The following PTPRK variants were observed in gnomAD, a reference collection of about 807,000 sequenced individuals.
The protein encoded by PTPRK is protein tyrosine phosphatase receptor type K, also known as receptor-type tyrosine-protein phosphatase kappa.
PTPRK carries 75 observed loss-of-function variants against 178.0 expected under a neutral mutation model. The observed-to-expected ratio is 0.42, with a 90% CI of 0.35 to 0.51. The LOEUF (loss-of-function observed/expected upper bound fraction) is 0.51. Among genes scored for constraint, PTPRK ranks in the 20% least tolerant of loss-of-function variants. The pLI is 0.02. For synonymous variants in PTPRK, 637 were observed against 620.6 expected, an observed-to-expected ratio of 1.03 and a Z score of -0.39; for missense variants, 1,441 against 1,797.8, an observed-to-expected ratio of 0.80 and a Z score of 3.59.
chr6:128,489,951 G>A (rs1009028143), intron 1 of PTPRK, among the ~76,000 whole-genome samples: 1 of 151,904 alleles, frequency 6.6e-6, no homozygotes, highest in Non-Finnish European at 1.5e-5. Flanking sequence ...CATTTCTTCA[G>A]GTATGCTGAA....
intron 13 of PTPRK, among the ~76,000 whole-genome samples, chr6:128,032,399 C>G (rs17055231): frequency 0.14 from 20,860 of 152,184 alleles, 1,620 homozygotes; most frequent in African/African-American, 0.17. Flanking sequence ...AGATCAGCAA[C>G]AGGAGATGGG....
chr6:128,022,923 G>A (rs1037213095), intron 13 of PTPRK, among the ~76,000 whole-genome samples: 2 of 152,200 alleles, frequency 1.3e-5, no homozygotes, highest in Admixed American at 1.3e-4. Context: ...TTAAGATACT[G>A]GAGCCTGCCT....
intron 16 of PTPRK, among the ~76,000 whole-genome samples, chr6:127,997,822 T>G (rs1777334101): frequency 6.6e-6 from 1 of 152,152 alleles, no homozygotes. Context: ...TTAACACTCC[T>G]AATTTAAGGT....
intron 2 of PTPRK, among the ~76,000 whole-genome samples, chr6:128,344,464 A>C (rs1562322401): frequency 6.6e-6 from 1 of 152,172 alleles, no homozygotes; most frequent in Non-Finnish European, 1.5e-5. Flanking sequence ...GGCTGTATGC[A>C]GCCTGATTCA....
intron 13 of PTPRK, among the ~76,000 whole-genome samples, chr6:128,033,792 T>C (rs1775752799): frequency 1.3e-5 from 2 of 152,024 alleles, no homozygotes; most frequent in Non-Finnish European, 2.9e-5. Context: ...GGGGAGTATT[T>C]CTTGGGCCCA....
At chr6:128,178,042 C>T (rs1296767702) in intron 7 of PTPRK, among the ~76,000 whole-genome samples, 1 of 151,722 alleles carries the variant, frequency 6.6e-6, no homozygotes, top group Non-Finnish European at 1.5e-5. Context: ...ACTGGCTAGA[C>T]ATTGTTTTAT....
Position 128,118,134 on chromosome 6 carries a change from C to T in PTPRK, c.1163-28142G>A, listed in dbSNP as rs534616183. Among the ~76,000 whole-genome samples, 15 of 152,184 alleles carry T rather than the reference C, an allele frequency of 9.9e-5. No homozygotes were observed. The South Asian group carries it at 3.1e-3, about 32-fold the overall frequency. ...TGCTCATAGGCAAACAACAATAATA[C>T]CAATACATAATAGTCATAGTGACCT... is the stretch of plus-strand genomic sequence containing the variant. On this transcript the variant is annotated intron_variant, in intron 7 of 29. Coordinates refer to ENST00000368226, the MANE Select transcript of PTPRK (RefSeq NM_002844.4).
At position 128,026,007 on chromosome 6, in the gene PTPRK, T is replaced by C. The variant is rs559732074; in HGVS notation, c.2195-16739A>G. Among the ~76,000 whole-genome samples, 8 of 152,346 alleles carry C rather than the reference T, an allele frequency of 5.3e-5. No homozygotes were observed. In the East Asian group the frequency reaches 5.8e-4, roughly 11 times the overall value. ...ATCTTCCAGTAGCCATTATTCAGCC[T>C]ACTAAAATCTATATGCTTTCCAATG... On this transcript the variant is annotated intron_variant, in intron 13 of 29. Coordinates refer to ENST00000368226, the MANE Select transcript of PTPRK (RefSeq NM_002844.4).
intron 11 of PTPRK, among the ~76,000 whole-genome samples, chr6:128,069,401 T>C (rs898508724): frequency 2.6e-5 from 4 of 152,158 alleles, no homozygotes; most frequent in African/African-American, 7.2e-5. Context: ...ACAAGATGCA[T>C]GGTCTCTGAG....
intron 3 of PTPRK, chr6:128,321,782 T>C (rs981964885): frequency 8.5e-6 from 6 of 703,326 alleles, no homozygotes; most frequent in East Asian, 8.0e-5. Context: ...ATAGAAATAC[T>C]TTCTCTAGTT....
chr6:128,264,816 G>A (rs148193145), intron 3 of PTPRK, among the ~76,000 whole-genome samples: 8 of 152,212 alleles, frequency 5.3e-5, no homozygotes, highest in African/African-American at 1.9e-4. Context: ...ATTGAATCAT[G>A]GAGGCAGGTA....
At chr6:128,201,586 T>A (rs912645296) in intron 6 of PTPRK, among the ~76,000 whole-genome samples, 1 of 152,144 alleles carries the variant, frequency 6.6e-6, no homozygotes, top group Non-Finnish European at 1.5e-5. Flanking sequence ...TGGCCAGGCG[T>A]GACGGCTCAT....
chr6:128,181,022 A>G (rs1440090460), intron 7 of PTPRK, among the ~76,000 whole-genome samples: 1 of 152,090 alleles, frequency 6.6e-6, no homozygotes, highest in East Asian at 1.9e-4. Context: ...ACCAACTAAA[A>G]AGTGAGAAAA....
At chr6:128,503,419 A>G (rs1314969125) in intron 1 of PTPRK, among the ~76,000 whole-genome samples, 1 of 152,146 alleles carries the variant, frequency 6.6e-6, no homozygotes, top group Non-Finnish European at 1.5e-5. Context: ...CCACGTCCTG[A>G]TGGCACTTTT....
chr6:128,431,840 C>T (rs1018491175), intron 1 of PTPRK, among the ~76,000 whole-genome samples: 9 of 152,278 alleles, frequency 5.9e-5, no homozygotes, highest in Non-Finnish European at 1.3e-4. Flanking sequence ...AAATGAATAA[C>T]GGTTTGCCTA....
intron 1 of PTPRK, among the ~76,000 whole-genome samples, chr6:128,454,581 T>C (rs1848173380): frequency 6.6e-6 from 1 of 152,216 alleles, no homozygotes; most frequent in Non-Finnish European, 1.5e-5. Flanking sequence ...ACCATCATTA[T>C]TGTCTAACTC....
chr6:128,162,976 A>G (rs1798902601), intron 7 of PTPRK, among the ~76,000 whole-genome samples: 1 of 151,486 alleles, frequency 6.6e-6, no homozygotes, highest in African/African-American at 2.4e-5. Context: ...TATAATACTT[A>G]ATGTTAATGT....
chr6:128,008,378 C>A (rs968485574), intron 14 of PTPRK, among the ~76,000 whole-genome samples: 1 of 150,880 alleles, frequency 6.6e-6, no homozygotes, highest in African/African-American at 2.4e-5. Context: ...AACCCAAATA[C>A]ATGATGGGAA....
chr6:128,391,032 A>T (rs1839480561), intron 2 of PTPRK, among the ~76,000 whole-genome samples: 1 of 152,110 alleles, frequency 6.6e-6, no homozygotes, highest in African/African-American at 2.4e-5. Context: ...GTAGATGGTG[A>T]GAATGTAGGG....
Sources: gnomAD v4.1 joint callset for allele counts (sites outside exome capture counted in the v4.1 genomes callset) on GRCh38, gnomAD v4.1.1 for gene constraint, MANE v1.5 for transcripts, NCBI Gene and HGNC (gene_info 2026-07-23, HGNC 2026-07-21) for gene names.